The following CADM2 variants were observed in gnomAD, a reference collection of about 807,000 sequenced individuals.
CADM2 encodes cell adhesion molecule 2.
A neutral mutation model predicts 49.8 loss-of-function variants in CADM2; 12 were observed. That is an observed-to-expected ratio of 0.24 (90% CI 0.15 to 0.39). The LOEUF is 0.39. Among genes scored for constraint, CADM2 ranks in the 10% least tolerant of loss-of-function variants. The probability of loss-of-function intolerance (pLI) is 1.00; values close to 1 mark genes in which losing one functional copy is unlikely to be tolerated. For missense variants in CADM2, 378 were observed against 492.3 expected (o/e 0.77, Z 2.20); for synonymous variants, 214 against 175.4 (o/e 1.22, Z -1.74).
At chr3:85,930,767 G>A (rs2108526204) in intron 6 of CADM2, among the ~76,000 whole-genome samples, 1 of 151,954 alleles carries the variant, frequency 6.6e-6, no homozygotes, top group African/African-American at 2.4e-5. Flanking sequence ...TTCCATCCAT[G>A]TTGTTAAAAA....
At chr3:85,515,372 G>A (rs1215788278) in intron 1 of CADM2, among the ~76,000 whole-genome samples, 1 of 150,056 alleles carries the variant, frequency 6.7e-6, no homozygotes, top group Admixed American at 6.7e-5. Context: ...ATCATCATTA[G>A]ATTTTCTTTT....
At chr3:85,434,735 T>C (rs1342907633) in intron 1 of CADM2, among the ~76,000 whole-genome samples, 1 of 152,144 alleles carries the variant, frequency 6.6e-6, no homozygotes, top group Middle Eastern at 3.2e-3. Context: ...TCTGAGATTG[T>C]AGCCACTCAA....
At chr3:85,575,480 G>A (rs938837553) in intron 1 of CADM2, among the ~76,000 whole-genome samples, 4 of 152,202 alleles carry the variant, frequency 2.6e-5, no homozygotes, top group Non-Finnish European at 5.9e-5. Context: ...GAACCCTGGA[G>A]GCGAAGCTTG....
intron 1 of CADM2, among the ~76,000 whole-genome samples, chr3:85,507,035 G>T (rs2040385821): frequency 6.6e-6 from 1 of 152,064 alleles, no homozygotes; most frequent in African/African-American, 2.4e-5. Context: ...TAAAATAAAT[G>T]TATGAAGGTA....
intron 8 of CADM2, among the ~76,000 whole-genome samples, chr3:86,009,034 T>C (rs1731147133): frequency 2.7e-5 from 4 of 150,410 alleles, no homozygotes; most frequent in African/African-American, 9.7e-5. Context: ...ATTGACTGCA[T>C]ACTGAAGGCT....
At chr3:85,122,310 A>C (rs2038891617) in intron 1 of CADM2, among the ~76,000 whole-genome samples, 1 of 152,190 alleles carries the variant, frequency 6.6e-6, no homozygotes, top group Admixed American at 6.5e-5. Context: ...GAAGTTCATC[A>C]GTGACTCAAT....
chr3:85,562,694 G>A (rs77739975), intron 1 of CADM2, among the ~76,000 whole-genome samples: 6,493 of 151,974 alleles, frequency 0.043, 471 homozygotes, highest in African/African-American at 0.15. Flanking sequence ...CTTTGGAGAT[G>A]GGGGGAGCTA....
intron 1 of CADM2, among the ~76,000 whole-genome samples, chr3:85,025,351 A>T (rs1284656234): frequency 1.3e-5 from 2 of 152,176 alleles, no homozygotes; most frequent in Non-Finnish European, 2.9e-5. Flanking sequence ...CATAAAAATT[A>T]TAGAAAGCTT....
intron 1 of CADM2, among the ~76,000 whole-genome samples, chr3:85,594,392 A>G (rs1029272398): frequency 2.0e-5 from 3 of 151,950 alleles, no homozygotes; most frequent in Non-Finnish European, 4.4e-5. Flanking sequence ...AATAGATGTA[A>G]CAGTGAATTC....
chr3:85,960,061 G>A (rs1478856109), intron 7 of CADM2, among the ~76,000 whole-genome samples: 1 of 151,828 alleles, frequency 6.6e-6, no homozygotes, highest in African/African-American at 2.4e-5. Context: ...GTTAGGAGCT[G>A]GGGGAGAAGA....
At position 85,961,451 on chromosome 3, in the gene CADM2, C is replaced by CAAAATA; in HGVS notation, c.792-17_792-16insAAATAA. The CAAAATA allele has an allele frequency of 6.4e-7, 1 of 1,550,966 alleles. No homozygotes were observed. The highest frequency in any genetic ancestry group is 8.8e-7 in the Non-Finnish European group (1 of 1,139,282). On this transcript the variant is annotated splice_polypyrimidine_tract_variant and intron_variant, in intron 7 of 9. Coordinates refer to ENST00000383699, the MANE Select transcript of CADM2 (RefSeq NM_001167675.2). ...ATTTCTTATTTTTGCTATCTACATG[C>CAAAATA]ATGTTTCAATCCAATAGGCCAGAAC...
intron 1 of CADM2, among the ~76,000 whole-genome samples, chr3:85,447,003 T>TTGTACTCTGAC (rs1360154731): frequency 7.8e-6 from 1 of 127,680 alleles, no homozygotes; most frequent in Non-Finnish European, 1.6e-5. Flanking sequence ...TATATATATA[T>TTGTACTCTGAC]ATATATATAT....
chr3:86,018,614 T>G (rs1732661312), intron 8 of CADM2, among the ~76,000 whole-genome samples: 1 of 152,254 alleles, frequency 6.6e-6, no homozygotes, highest in Admixed American at 6.5e-5. Context: ...TGATTTGCAT[T>G]TCTTGATGGC....
In CADM2 at chr3:85,912,494, A is replaced by T; in HGVS notation, c.651A>T (p.Glu217Asp). Residue 217 changes from glutamate to aspartate, a missense_variant, in exon 6 of 10, where the codon GAA (glutamate) becomes GAT (aspartate). Transcript: ENST00000383699. ...CGGTCATCTGCAGAGTAGATCACGA[A>T]TCCCTCAATGCCACCCCTCAGGTAG... The part of the protein sequence containing the change: ...GVAVICRVDH[E>D]SLNATPQVAM... 6.2e-7 allele frequency: 1 copy of T among 1,614,048 alleles called. No homozygotes were observed. Among genetic ancestry groups the T allele is most frequent in the Non-Finnish European group, 8.5e-7 (1 of 1,179,934 alleles).
intron 8 of CADM2, 65 bp from the exon 9 acceptor site, chr3:86,065,540 T>C: frequency 6.7e-7 from 1 of 1,490,016 alleles, no homozygotes; most frequent in Non-Finnish European, 9.1e-7. Flanking sequence ...CTCATTCTAA[T>C]GCAGTTATGT....
chr3:85,796,369 G>T (rs2071622727), intron 2 of CADM2, among the ~76,000 whole-genome samples: 1 of 152,098 alleles, frequency 6.6e-6, no homozygotes, highest in African/African-American at 2.4e-5. Context: ...CACTTCACAA[G>T]ATTGATAGTT....
intron 1 of CADM2, among the ~76,000 whole-genome samples, chr3:85,062,622 A>G (rs2036373475): frequency 6.6e-6 from 1 of 151,896 alleles, no homozygotes; most frequent in Admixed American, 6.6e-5. Flanking sequence ...ATATAATTCT[A>G]TAAATGACTT....
chr3:85,091,238 AT>A (rs1441968533), intron 1 of CADM2, among the ~76,000 whole-genome samples: 1 of 152,280 alleles, frequency 6.6e-6, no homozygotes, highest in East Asian at 1.9e-4. Context: ...GGCACTATGA[AT>A]ATTTAAGGAC....
chr3:85,782,635 G>A (rs1424573202), intron 2 of CADM2, among the ~76,000 whole-genome samples: 5 of 142,842 alleles, frequency 3.5e-5, no homozygotes, highest in East Asian at 2.0e-4. Flanking sequence ...CAGCCTGGGC[G>A]ACAGAATGAG....
Sources: gnomAD v4.1 joint callset for allele counts (sites outside exome capture counted in the v4.1 genomes callset) on GRCh38, gnomAD v4.1.1 for gene constraint, MANE v1.5 for transcripts, NCBI Gene and HGNC (gene_info 2026-07-23, HGNC 2026-07-21) for gene names.